CLSTN2: variants seen among roughly 807,000 people sequenced by gnomAD.
The protein encoded by CLSTN2 is calsyntenin 2, also known as calsyntenin-2.
CLSTN2 carries 48 observed loss-of-function variants against 101.2 expected under a neutral mutation model. That is an observed-to-expected ratio of 0.47 (90% confidence interval 0.38 to 0.60). The LOEUF (loss-of-function observed/expected upper bound fraction) is 0.60, where lower values mean the gene tolerates loss of function less well. Among genes scored for constraint, CLSTN2 ranks in the 20% least tolerant of loss-of-function variants. The pLI is 0.00. For synonymous variants in CLSTN2, 481 were observed against 463.6 expected (o/e 1.04, Z -0.48); for missense variants, 1,160 against 1,238.2 (o/e 0.94, Z 0.95).
rs928884380 is a variant in CLSTN2 at position 139,970,318 on chromosome 3, T to TG, written c.109+34843dup. Among the ~76,000 whole-genome samples, 9 of 152,074 alleles carry TG rather than the reference T, an allele frequency of 5.9e-5. No homozygotes were observed. The East Asian group carries it at 9.7e-4, about 16-fold the overall frequency. ...TGTGAGCTGGCATGTGTGAAGCATCTGGGGGGGGATGCTCTCCATACGCTG... is the reference window on the plus strand; with the variant it reads ...TGTGAGCTGGCATGTGTGAAGCATCTGGGGGGGGGATGCTCTCCATACGCTG... On this transcript the variant is annotated intron_variant, in intron 1 of 16. Transcript: ENST00000458420.
intron 2 of CLSTN2, among the ~76,000 whole-genome samples, chr3:140,323,014 T>C (rs563856167): frequency 6.6e-6 from 1 of 152,238 alleles, no homozygotes; most frequent in Non-Finnish European, 1.5e-5. Context: ...ACCATAAATA[T>C]TTGTAATTCT....
intron 2 of CLSTN2, among the ~76,000 whole-genome samples, chr3:140,373,353 C>A (rs60991598): frequency 6.6e-6 from 1 of 152,166 alleles, no homozygotes; most frequent in African/African-American, 2.4e-5. Flanking sequence ...GCCTCTTCCC[C>A]CTACTGCTCC....
chr3:140,397,443 T>G (rs2088194970), intron 2 of CLSTN2, among the ~76,000 whole-genome samples: 1 of 152,248 alleles, frequency 6.6e-6, no homozygotes, highest in Non-Finnish European at 1.5e-5. Flanking sequence ...ATTAAATTTA[T>G]GCACTGTCTC....
At chr3:140,351,611 G>A (rs1564397) in intron 2 of CLSTN2, among the ~76,000 whole-genome samples, 69,494 of 151,980 alleles carry the variant, frequency 0.46, 16,542 homozygotes, top group Non-Finnish European at 0.53. Flanking sequence ...CAACTACTCA[G>A]TCAGACCATT....
intron 2 of CLSTN2, among the ~76,000 whole-genome samples, chr3:140,197,300 A>G (rs2010658716): frequency 1.3e-5 from 2 of 152,162 alleles, no homozygotes; most frequent in African/African-American, 4.8e-5. Context: ...CATCTTCTAA[A>G]AGTAATAAAA....
chr3:139,937,826 A>C (rs1433593338), intron 1 of CLSTN2, among the ~76,000 whole-genome samples: 13 of 152,116 alleles, frequency 8.5e-5, no homozygotes, highest in Non-Finnish European at 1.3e-4. Flanking sequence ...TTGAGAGTTA[A>C]CTGTCCGAAT....
chr3:140,319,741 C>T (rs1260928506), intron 2 of CLSTN2, among the ~76,000 whole-genome samples: 2 of 151,924 alleles, frequency 1.3e-5, no homozygotes, highest in African/African-American at 2.4e-5. Flanking sequence ...CCATAGATCA[C>T]TCTAATAATA....
chr3:140,286,862 A>G (rs996806314), intron 2 of CLSTN2, among the ~76,000 whole-genome samples: 6 of 152,110 alleles, frequency 3.9e-5, no homozygotes, highest in Admixed American at 3.3e-4. Context: ...GCTTTGTAGG[A>G]GTGGGAGGTA....
intron 8 of CLSTN2, among the ~76,000 whole-genome samples, chr3:140,498,073 G>T (rs1934505639): frequency 6.6e-6 from 1 of 152,164 alleles, no homozygotes; most frequent in African/African-American, 2.4e-5. Context: ...GAATTCACTT[G>T]CTGTTTTCAT....
At chr3:140,054,708 G>A (rs746528690) in intron 1 of CLSTN2, among the ~76,000 whole-genome samples, 2 of 152,236 alleles carry the variant, frequency 1.3e-5, no homozygotes, top group Non-Finnish European at 1.5e-5. Context: ...TTTGTAGGGG[G>A]TGTATGTGAT....
In CLSTN2 at chr3:140,418,506, TTTCTTTCTTTC is replaced by T. The variant is rs1488019345; in HGVS notation, c.638-2616_638-2606del. On this transcript the variant is annotated intron_variant, in intron 4 of 16. Transcript: ENST00000458420. ...ATTATTCTAGTTCTTTCTTTCTTTC[TTTCTTTCTTTC>T]TTTTTTTTTTTTTTTTCTGAGACGG... Among the ~76,000 whole-genome samples, 320 of 71,346 alleles carry T rather than the reference TTTCTTTCTTTC, an allele frequency of 4.5e-3. 13 individuals carry two copies. In the African/African-American group the frequency reaches 0.051, roughly 11 times the overall value. The allele number at this position is 71,346 out of a possible 152,430, so 46.8% of individuals were successfully genotyped here. A position where few individuals can be genotyped will look rare whatever the true frequency, so the allele number is the denominator to read the frequency against.
intron 2 of CLSTN2, among the ~76,000 whole-genome samples, chr3:140,315,749 G>C (rs1051268997): frequency 6.6e-6 from 1 of 152,216 alleles, no homozygotes; most frequent in African/African-American, 2.4e-5. Context: ...TGCCTTTTCT[G>C]TCTGAGCAAA....
chr3:140,442,144 A>C lies in CLSTN2; in HGVS notation c.788-6375A>C, dbSNP rs139244367. Among the ~76,000 whole-genome samples the C allele has an allele frequency of 4.9e-3, 741 of 152,244 alleles. 8 individuals carry two copies. The highest frequency in any genetic ancestry group is 0.017 in the African/African-American group (712 of 41,538). On this transcript the variant is annotated intron_variant, in intron 5 of 16. Transcript: ENST00000458420. ...CATCTGGGGGCCTTACTGACCCTGGAGGGACTGTCCCTCTCGGGTTTAGCT... is the reference window on the plus strand; with the variant it reads ...CATCTGGGGGCCTTACTGACCCTGGCGGGACTGTCCCTCTCGGGTTTAGCT...
chr3:140,004,042 G>C (rs1162421347), intron 1 of CLSTN2, among the ~76,000 whole-genome samples: 2 of 152,118 alleles, frequency 1.3e-5, no homozygotes, highest in African/African-American at 4.8e-5. Context: ...TTTTCCACAA[G>C]AGAAGGCTCT....
At chr3:139,972,490 T>G (rs749154486) in intron 1 of CLSTN2, among the ~76,000 whole-genome samples, 2 of 152,140 alleles carry the variant, frequency 1.3e-5, no homozygotes, top group South Asian at 4.1e-4. Context: ...AGCCAGACAG[T>G]GGACTAAACA....
At chr3:139,971,769 G>T (rs114541324) in intron 1 of CLSTN2, among the ~76,000 whole-genome samples, 4,672 of 152,288 alleles carry the variant, frequency 0.031, 114 homozygotes, top group Non-Finnish European at 0.048. Context: ...TCCTTAATCA[G>T]CAGGTAGGGA....
At chr3:140,411,737 T>C (rs2088366266) in intron 4 of CLSTN2, among the ~76,000 whole-genome samples, 1 of 152,188 alleles carries the variant, frequency 6.6e-6, no homozygotes, top group Non-Finnish European at 1.5e-5. Flanking sequence ...CACCAGAAGC[T>C]CAGACAAAAG....
chr3:140,403,803 C>T lies in CLSTN2; in HGVS notation c.407C>T (p.Thr136Ile). ...GACTGTGGTGCTGGGCCCCACGAGACAGCCTGGAAAAAGTCACACAAGTGA... is the reference window on the plus strand; with the variant it reads ...GACTGTGGTGCTGGGCCCCACGAGATAGCCTGGAAAAAGTCACACAAGTGA... The part of the protein sequence containing the change: ...AYDCGAGPHE[T>I]AWKKSHKAVV... The change falls in exon 3 of 17, where the codon ACA becomes ATA. Residue 136 changes from threonine (T) to isoleucine (I), a missense_variant. Physicochemically the swap from Thr to Ile is moderately conservative, Grantham distance 89 (BLOSUM62 -1). Transcript: ENST00000458420. 1.2e-6 allele frequency: 2 copies of T among 1,611,406 alleles called. No individual in the cohort carries two copies. The highest frequency in any genetic ancestry group is 1.7e-6 in the Non-Finnish European group (2 of 1,178,378).
At chr3:140,125,577 T>C (rs959144702) in intron 1 of CLSTN2, among the ~76,000 whole-genome samples, 1 of 151,270 alleles carries the variant, frequency 6.6e-6, no homozygotes, top group Non-Finnish European at 1.5e-5. Context: ...TGGAAGGGAG[T>C]GTGGGTGTTT....
Sources: allele counts gnomAD v4.1 joint callset (sites outside exome capture counted in the v4.1 genomes callset), GRCh38; gene constraint gnomAD v4.1.1; transcripts MANE v1.5; gene names NCBI Gene and HGNC (gene_info 2026-07-23, HGNC 2026-07-21).